SMC6: variants seen among roughly 807,000 people sequenced by gnomAD.
The protein encoded by SMC6 is structural maintenance of chromosomes 6, also known as structural maintenance of chromosomes protein 6.
Under a neutral mutation model 142.2 loss-of-function variants are expected in SMC6, and 79 were observed. That is an observed-to-expected ratio of 0.56 (90% CI 0.46 to 0.67). The LOEUF (loss-of-function observed/expected upper bound fraction) is 0.67, where lower values mean the gene tolerates loss of function less well. Among genes scored for constraint, SMC6 ranks in the 30% least tolerant of loss-of-function variants. The pLI is 0.00. For synonymous variants in SMC6, 411 were observed against 412.4 expected (o/e 1.00, Z 0.04); for missense variants, 1,072 against 1,284.0 (o/e 0.83, Z 2.52).
chr2:17,727,953 C>G (rs980075039), intron 7 of SMC6, among the ~76,000 whole-genome samples: 4 of 151,852 alleles, frequency 2.6e-5, no homozygotes, highest in Non-Finnish European at 5.9e-5. Flanking sequence ...TTTCACAAAG[C>G]CCCCCCAGCT....
intron 23 of SMC6, among the ~76,000 whole-genome samples, chr2:17,690,620 AC>A (rs1331453067): frequency 7.2e-5 from 11 of 152,072 alleles, no homozygotes; most frequent in African/African-American, 2.7e-4. Flanking sequence ...AACCAAAAAA[AC>A]AAAAAAAAAC....
intron 12 of SMC6, 102 bp from the exon 13 acceptor site, chr2:17,717,278 A>T: frequency 1.4e-6 from 1 of 694,658 alleles, no homozygotes; most frequent in Non-Finnish European, 2.3e-6. Flanking sequence ...ATACAGGAAT[A>T]TATTTTTTAA....
chr2:17,738,531 C>CA (rs968953578), intron 4 of SMC6, among the ~76,000 whole-genome samples: 9 of 151,674 alleles, frequency 5.9e-5, no homozygotes, highest in South Asian at 2.1e-4. Context: ...CCATTATTAG[C>CA]AAAAAAAATA....
At chr2:17,676,074 G>A (rs956346560) in intron 25 of SMC6, among the ~76,000 whole-genome samples, 15 of 152,070 alleles carry the variant, frequency 9.9e-5, no homozygotes, top group Admixed American at 2.6e-4. Context: ...ATTTCCTTTC[G>A]ACCTGCCTTG....
intron 5 of SMC6, 68 bp downstream of exon 5, chr2:17,738,140 ATGTCTATGTGAAC>A: frequency 9.9e-7 from 1 of 1,009,164 alleles, no homozygotes; most frequent in Non-Finnish European, 1.5e-6. Flanking sequence ...ATTTCCAGTC[ATGTCTATGTGAAC>A]TGGGAATCTA....
At chr2:17,716,697 T>C in intron 14 of SMC6, 44 bp downstream of exon 14, 1 of 1,574,706 alleles carries the variant, frequency 6.4e-7, no homozygotes, top group Non-Finnish European at 8.6e-7. Flanking sequence ...CTATATGATG[T>C]AAAAGTAATT....
At chr2:17,695,680 T>C (rs1667954116) in intron 22 of SMC6, among the ~76,000 whole-genome samples, 1 of 152,176 alleles carries the variant, frequency 6.6e-6, no homozygotes, top group African/African-American at 2.4e-5. Flanking sequence ...AAGACCCTCA[T>C]GGGGTAAAGA....
chr2:17,713,591 A>C (rs1444934845), intron 16 of SMC6: 1 of 466,490 alleles, frequency 2.1e-6, no homozygotes, highest in Admixed American at 2.4e-5. Flanking sequence ...CTAAAATGAC[A>C]GTTCAGATTC....
intron 25 of SMC6, among the ~76,000 whole-genome samples, chr2:17,671,712 C>A (rs1666773391): frequency 6.7e-6 from 1 of 148,152 alleles, no homozygotes. Flanking sequence ...CTTTTAAAAG[C>A]TAAATAAAAT....
intron 7 of SMC6, among the ~76,000 whole-genome samples, chr2:17,727,505 T>TTATATA (rs35081864): frequency 5.8e-4 from 87 of 148,812 alleles, no homozygotes; most frequent in Non-Finnish European, 3.7e-4. Context: ...AAACTCCTCT[T>TTATATA]TATATATATA....
chr2:17,721,283 G>T, intron 9 of SMC6, 22 bp from the exon 10 acceptor site: 1 of 1,533,160 alleles, frequency 6.5e-7, no homozygotes, highest in Non-Finnish European at 8.7e-7. Flanking sequence ...AAAACAGAAC[G>T]GACGTATTTT....
At chr2:17,694,026 AAT>A (rs1667874182) in intron 23 of SMC6, among the ~76,000 whole-genome samples, 18 of 51,904 alleles carry the variant, frequency 3.5e-4, no homozygotes, top group African/African-American at 2.9e-3. Flanking sequence ...AAAAAAAAAG[AAT>A]GAAATCCTGT....
At chr2:17,740,747 G>A (rs79705258) in intron 4 of SMC6, 1 of 442,410 alleles carries the variant, frequency 2.3e-6, no homozygotes, top group African/African-American at 2.1e-5. Context: ...TTACTCACAA[G>A]GCTGAAACAG....
chr2:17,750,211 A>T (rs1572372746), intron 2 of SMC6, among the ~76,000 whole-genome samples: 1 of 152,228 alleles, frequency 6.6e-6, no homozygotes, highest in South Asian at 2.1e-4. Context: ...TGAAACAGAA[A>T]GTAAGAATAG....
intron 20 of SMC6, among the ~76,000 whole-genome samples, chr2:17,701,622 A>G (rs1668276835): frequency 6.6e-6 from 1 of 152,130 alleles, no homozygotes; most frequent in Non-Finnish European, 1.5e-5. Flanking sequence ...ATCAATTATT[A>G]TGCATGAAAG....
chr2:17,713,257 G>C (rs1435632513), intron 16 of SMC6: 2 of 314,216 alleles, frequency 6.4e-6, no homozygotes, highest in Admixed American at 8.6e-5. Flanking sequence ...GCAGCCACTA[G>C]GCTTTTGTAT....
chr2:17,713,375 A>G, intron 16 of SMC6: 1 of 435,764 alleles, frequency 2.3e-6, no homozygotes, highest in South Asian at 1.7e-5. Context: ...TTCTCAGCAC[A>G]TAAACTCACC....
intron 25 of SMC6, among the ~76,000 whole-genome samples, chr2:17,671,202 G>A (rs898665626): frequency 2.0e-5 from 3 of 151,972 alleles, no homozygotes; most frequent in African/African-American, 7.3e-5. Context: ...ACATTTAAAA[G>A]TGCTGAGATT....
At chr2:17,666,661 A>G in intron 26 of SMC6, 144 bp from the exon 27 acceptor site, 1 of 642,718 alleles carries the variant, frequency 1.6e-6, no homozygotes, top group Non-Finnish European at 2.7e-6. Context: ...GAAATCTATT[A>G]TACTGGAAAA....
Sources: allele counts gnomAD v4.1 joint callset (sites outside exome capture counted in the v4.1 genomes callset), GRCh38; gene constraint gnomAD v4.1.1; transcripts MANE v1.5; gene names NCBI Gene and HGNC (gene_info 2026-07-23, HGNC 2026-07-21).